The following FOXN3 variants were observed in gnomAD, a reference collection of about 807,000 sequenced individuals.
The protein encoded by FOXN3 is forkhead box N3.
A neutral mutation model predicts 38.4 loss-of-function variants in FOXN3; 7 were observed. That is an observed-to-expected ratio of 0.18 (90% CI 0.10 to 0.34). The LOEUF (loss-of-function observed/expected upper bound fraction) is 0.34, where lower values mean the gene tolerates loss of function less well. Among genes scored for constraint, FOXN3 ranks in the 10% least tolerant of loss-of-function variants. The probability of loss-of-function intolerance (pLI) is 1.00; values close to 1 mark genes in which losing one functional copy is unlikely to be tolerated. For missense variants in FOXN3, 456 were observed against 613.4 expected (o/e 0.74, Z 2.71); for synonymous variants, 230 against 242.2 (o/e 0.95, Z 0.47).
At chr14:89,291,510 G>A (rs796876983) in intron 3 of FOXN3, 1 of 591,312 alleles carries the variant, frequency 1.7e-6, no homozygotes. Flanking sequence ...CCATCCCCAG[G>A]GGGCCTGTGG....
chr14:89,261,856 A>G (rs187424809), intron 4 of FOXN3, among the ~76,000 whole-genome samples: 45 of 152,354 alleles, frequency 3.0e-4, no homozygotes, highest in Admixed American at 2.9e-3. Flanking sequence ...TGAACCCAGG[A>G]GGTGGAGCTT....
chr14:89,571,952 T>C (rs1566704538), intron 1 of FOXN3, among the ~76,000 whole-genome samples: 1 of 152,234 alleles, frequency 6.6e-6, no homozygotes, highest in African/African-American at 2.4e-5. Flanking sequence ...GGTCCAATTC[T>C]TCATTTTTAT....
At chr14:89,322,743 C>CACCA (rs1396406099) in intron 3 of FOXN3, among the ~76,000 whole-genome samples, 1 of 152,036 alleles carries the variant, frequency 6.6e-6, no homozygotes, top group African/African-American at 2.4e-5. Flanking sequence ...AGCAGAGGCA[C>CACCA]ACCAGGAAGA....
intron 2 of FOXN3, among the ~76,000 whole-genome samples, chr14:89,388,718 C>T (rs1194195497): frequency 2.0e-5 from 3 of 151,674 alleles, no homozygotes; most frequent in Non-Finnish European, 4.4e-5. Flanking sequence ...TAAAGCTGGA[C>T]CCTGATAAAT....
At chr14:89,346,741 G>A (rs993204447) in intron 3 of FOXN3, among the ~76,000 whole-genome samples, 2 of 152,162 alleles carry the variant, frequency 1.3e-5, no homozygotes, top group Non-Finnish European at 2.9e-5. Flanking sequence ...GCCATTCCAG[G>A]AGTGGAGAGT....
intron 4 of FOXN3, among the ~76,000 whole-genome samples, chr14:89,264,679 T>C (rs906393992): frequency 2.6e-5 from 4 of 152,052 alleles, no homozygotes; most frequent in Admixed American, 2.6e-4. Flanking sequence ...AGGAAAGGGC[T>C]CCCCATGAGT....
chr14:89,529,734 G>A (rs2139833957), intron 1 of FOXN3, among the ~76,000 whole-genome samples: 1 of 152,166 alleles, frequency 6.6e-6, no homozygotes, highest in Admixed American at 6.5e-5. Flanking sequence ...ATTATACAAT[G>A]CTTCTGGATT....
intron 1 of FOXN3, among the ~76,000 whole-genome samples, chr14:89,499,024 G>A (rs1893744158): frequency 6.6e-6 from 1 of 152,176 alleles, no homozygotes; most frequent in South Asian, 2.1e-4. Context: ...CATGATGATA[G>A]AGAGGCAATC....
chr14:89,418,507 G>A (rs1238455309), upstream of FOXN3, among the ~76,000 whole-genome samples: 2 of 141,112 alleles, frequency 1.4e-5, no homozygotes, highest in African/African-American at 5.4e-5. Context: ...CAGACTCACC[G>A]GAGACCTTAC....
chr14:89,199,407 G>A (rs960015996), intron 4 of FOXN3, among the ~76,000 whole-genome samples: 4 of 152,204 alleles, frequency 2.6e-5, no homozygotes, highest in African/African-American at 9.7e-5. Flanking sequence ...TGGAGACGGA[G>A]AACACCAAGA....
chr14:89,358,732 A>G (rs1042301807), intron 2 of FOXN3, among the ~76,000 whole-genome samples: 1 of 152,238 alleles, frequency 6.6e-6, no homozygotes, highest in Non-Finnish European at 1.5e-5. Flanking sequence ...GTTCTAGGCC[A>G]GTACCACCCA....
chr14:89,249,089 A>C (rs942427333), intron 4 of FOXN3, among the ~76,000 whole-genome samples: 1 of 152,244 alleles, frequency 6.6e-6, no homozygotes, highest in Non-Finnish European at 1.5e-5. Flanking sequence ...TAAAATTATA[A>C]ACAAGGTATA....
intron 1 of FOXN3, among the ~76,000 whole-genome samples, chr14:89,618,527 G>A (rs185245189): frequency 1.3e-5 from 2 of 151,492 alleles, no homozygotes; most frequent in East Asian, 4.0e-4. Flanking sequence ...ATTTGACACT[G>A]TTTATAATTG....
intron 3 of FOXN3, among the ~76,000 whole-genome samples, chr14:89,333,787 A>G (rs1246281852): frequency 1.4e-5 from 2 of 146,908 alleles, no homozygotes; most frequent in African/African-American, 2.5e-5. Context: ...CAGAACCCCC[A>G]TAAGATCCAG....
chr14:89,300,180 C>CTTTTTTT (rs35774627), intron 3 of FOXN3, among the ~76,000 whole-genome samples: 2 of 115,790 alleles, frequency 1.7e-5, no homozygotes, highest in African/African-American at 3.3e-5. Flanking sequence ...AAGAAATGTA[C>CTTTTTTT]TTTTTTTTTT....
chr14:89,419,469 G>T, upstream of FOXN3: 1 of 293,596 alleles, frequency 3.4e-6, no homozygotes, highest in Non-Finnish European at 6.8e-6. Flanking sequence ...TCACAAATAA[G>T]CAAGCTGCAT....
chr14:89,249,006 TG>T (rs1266511390), intron 4 of FOXN3, among the ~76,000 whole-genome samples: 1 of 152,250 alleles, frequency 6.6e-6, no homozygotes, highest in East Asian at 1.9e-4. Flanking sequence ...TACAAGCCTG[TG>T]CCTGCACAAA....
chr14:89,442,515 G>A (rs569920117), intron 1 of FOXN3, among the ~76,000 whole-genome samples: 1 of 152,274 alleles, frequency 6.6e-6, no homozygotes, highest in Non-Finnish European at 1.5e-5. Flanking sequence ...CCTATCTTCT[G>A]AGCAAGCTAA....
At position 89,530,411 on chromosome 14, in the gene FOXN3, C is replaced by T. The variant is rs546342748; in HGVS notation, c.-15+88617G>A. Among the ~76,000 whole-genome samples, 4 of 152,168 alleles carry T rather than the reference C, an allele frequency of 2.6e-5. No individual in the cohort carries two copies. The East Asian group carries it at 5.8e-4, about 22-fold the overall frequency. On this transcript the variant is annotated intron_variant, in intron 1 of 6. Coordinates refer to the FOXN3 transcript ENST00000345097. ...TCCCCTTTATAAAACCATCAGATCT[C>T]ATGAGACTTATTCACCACCACCAGA...
Sources: gnomAD v4.1 joint callset for allele counts (sites outside exome capture counted in the v4.1 genomes callset) on GRCh38, gnomAD v4.1.1 for gene constraint, MANE v1.5 for transcripts, NCBI Gene and HGNC (gene_info 2026-07-23, HGNC 2026-07-21) for gene names.